ZFAT: variants seen among roughly 807,000 people sequenced by gnomAD.
The protein encoded by ZFAT is zinc finger protein ZFAT.
In ZFAT, 64 loss-of-function variants were observed where a neutral mutation model predicts 117.7. That is an observed-to-expected ratio of 0.54 (90% CI 0.44 to 0.67). The LOEUF is 0.67. ZFAT is among the 30% of genes least tolerant of loss of function. The probability of loss-of-function intolerance (pLI) is 0.00; values close to 1 mark genes in which losing one functional copy is unlikely to be tolerated. For missense variants in ZFAT, 1,433 were observed against 1,584.5 expected (o/e 0.90, Z 1.62); for synonymous variants, 679 against 615.0 (o/e 1.10, Z -1.54).
At chr8:134,626,434 C>T (rs969480497) in intron 3 of ZFAT, among the ~76,000 whole-genome samples, 3 of 152,234 alleles carry the variant, frequency 2.0e-5, no homozygotes, top group Admixed American at 1.3e-4. Flanking sequence ...TCAGCTTCTT[C>T]ATCTAAAAAA....
intron 11 of ZFAT, among the ~76,000 whole-genome samples, chr8:134,555,122 G>T (rs1017671971): frequency 2.6e-5 from 4 of 152,192 alleles, no homozygotes; most frequent in Admixed American, 2.0e-4. Flanking sequence ...AAGGCTAGGG[G>T]AAACCAGGTG....
At chr8:134,629,769 T>C (rs114132920) in intron 3 of ZFAT, among the ~76,000 whole-genome samples, 2,868 of 152,326 alleles carry the variant, frequency 0.019, 79 homozygotes, top group African/African-American at 0.065. Context: ...CCTGTGGAAC[T>C]GTGAATCAAT....
chr8:134,488,323 C>T (rs1196152857), intron 15 of ZFAT, among the ~76,000 whole-genome samples: 1 of 152,200 alleles, frequency 6.6e-6, no homozygotes, highest in African/African-American at 2.4e-5. Flanking sequence ...ACAAGGCTAA[C>T]ATGGGGAACA....
At chr8:134,769,744 C>T in the ZFAT span, among the ~76,000 whole-genome samples, 1 of 152,224 alleles carries the variant, frequency 6.6e-6, no homozygotes, top group Non-Finnish European at 1.5e-5. Context: ...ACGCCTCCCC[C>T]CATCCCCCAC....
chr8:134,612,169 C>A (rs187929403), intron 3 of ZFAT, among the ~76,000 whole-genome samples: 2 of 152,314 alleles, frequency 1.3e-5, no homozygotes, highest in South Asian at 4.1e-4. Flanking sequence ...GAACATATGA[C>A]AAATGCACAG....
chr8:134,787,583 C>G, the ZFAT span, among the ~76,000 whole-genome samples: 1 of 152,204 alleles, frequency 6.6e-6, no homozygotes, highest in South Asian at 2.1e-4. Context: ...TTAATTACAA[C>G]TACACTTTTA....
intron 1 of ZFAT, among the ~76,000 whole-genome samples, chr8:134,666,153 G>A (rs1213640966): frequency 6.6e-6 from 1 of 152,126 alleles, no homozygotes; most frequent in Non-Finnish European, 1.5e-5. Context: ...AGCTAGGACT[G>A]GTATCAGCAG....
At chr8:134,605,949 A>C (rs957272731) in intron 5 of ZFAT, among the ~76,000 whole-genome samples, 1 of 152,152 alleles carries the variant, frequency 6.6e-6, no homozygotes, top group Admixed American at 6.5e-5. Context: ...ACGGCCGGAC[A>C]CTCTGAGAGT....
intron 1 of ZFAT, among the ~76,000 whole-genome samples, chr8:134,712,063 T>C (rs970635779): frequency 4.6e-5 from 7 of 152,192 alleles, no homozygotes; most frequent in African/African-American, 1.7e-4. Flanking sequence ...ATTCACTAAG[T>C]ATATAGTGAA....
Position 134,601,512 on chromosome 8 carries a change from C to T in ZFAT, c.2207G>A (p.Arg736Gln), listed in dbSNP as rs1298343010. ...QMNTSLCERIRKVYGDLECEY... is the reference protein window; with the variant it reads ...QMNTSLCERIQKVYGDLECEY... ...ACACTCCAGGTCTCCATAAACCTTC[C>T]GGATCCGCTCACACAAGCTGGTGTT... The change falls in exon 6 of 16, where the codon CGG becomes CAG. Residue 736 changes from arginine to glutamine, a missense_variant. Transcript: ENST00000377838. The T allele has an allele frequency of 1.4e-5, 22 of 1,613,714 alleles. No individual in the cohort carries two copies. The Admixed American group carries it at 1.5e-4, about 11-fold the overall frequency.
At chr8:134,821,857 T>C in the ZFAT span, among the ~76,000 whole-genome samples, 13 of 152,222 alleles carry the variant, frequency 8.5e-5, no homozygotes, top group Middle Eastern at 3.4e-3. Context: ...TTTTGAGGCA[T>C]ATGAAAAGGC....
At chr8:134,518,770 ACT>A (rs1463853418) in intron 13 of ZFAT, among the ~76,000 whole-genome samples, 1 of 152,048 alleles carries the variant, frequency 6.6e-6, no homozygotes, top group African/African-American at 2.4e-5. Context: ...GTAAAATATT[ACT>A]GTTTCTATAT....
At chr8:134,773,649 G>A in the ZFAT span, among the ~76,000 whole-genome samples, 5 of 152,266 alleles carry the variant, frequency 3.3e-5, no homozygotes, top group Admixed American at 1.3e-4. Flanking sequence ...CATGGGAGGC[G>A]GTCAAAACAT....
At chr8:134,714,510 G>T (rs979753778), upstream of ZFAT, among the ~76,000 whole-genome samples, 1 of 152,104 alleles carries the variant, frequency 6.6e-6, no homozygotes, top group African/African-American at 2.4e-5. Context: ...TTGAGCTTCA[G>T]GATGACTCAT....
intron 11 of ZFAT, among the ~76,000 whole-genome samples, chr8:134,555,636 C>A (rs531182061): frequency 1.9e-4 from 28 of 150,572 alleles, no homozygotes; most frequent in Non-Finnish European, 4.1e-4. Context: ...TGCAAAGAAG[C>A]AAGAAAAGAT....
chr8:134,594,513 C>G (rs1032589115), intron 7 of ZFAT, among the ~76,000 whole-genome samples: 1 of 152,228 alleles, frequency 6.6e-6, no homozygotes, highest in African/African-American at 2.4e-5. Flanking sequence ...TTCTCAATGA[C>G]AAAGGTTAAG....
intron 3 of ZFAT, among the ~76,000 whole-genome samples, chr8:134,628,691 C>T (rs954833915): frequency 6.6e-6 from 1 of 152,170 alleles, no homozygotes; most frequent in Non-Finnish European, 1.5e-5. Flanking sequence ...ATTAATACAG[C>T]AGTCTATGTA....
the ZFAT span, among the ~76,000 whole-genome samples, chr8:134,744,415 C>A: frequency 6.6e-6 from 1 of 151,704 alleles, no homozygotes; most frequent in African/African-American, 2.4e-5. Context: ...CCTGCCTCAG[C>A]CTCCTGAGTA....
chr8:134,652,098 A>C (rs1831279330), intron 2 of ZFAT, among the ~76,000 whole-genome samples: 1 of 152,194 alleles, frequency 6.6e-6, no homozygotes. Context: ...CAGGCAGATC[A>C]CGTGATGTCA....
Sources: allele counts gnomAD v4.1 joint callset (sites outside exome capture counted in the v4.1 genomes callset), GRCh38; gene constraint gnomAD v4.1.1; transcripts MANE v1.5; gene names NCBI Gene and HGNC (gene_info 2026-07-23, HGNC 2026-07-21).